Variants in FAT3 observed in about 807,000 individuals in gnomAD.
The protein encoded by FAT3 is protocadherin Fat 3.
FAT3 carries 95 observed loss-of-function variants against 310.2 expected under a neutral mutation model. The observed-to-expected ratio is 0.31, with a 90% CI of 0.26 to 0.36. FAT3 has a LOEUF of 0.36. Ranked by LOEUF, FAT3 falls within the 10% of genes least tolerant of loss-of-function variation. The pLI is 1.00. For synonymous variants in FAT3, 2,314 were observed against 2,192.9 expected (o/e 1.06, Z -1.54); for missense variants, 5,408 against 5,715.6 (o/e 0.95, Z 1.74).
intron 1 of FAT3, among the ~76,000 whole-genome samples, chr11:92,313,213 CTG>C (rs1399124003): frequency 6.6e-6 from 1 of 152,110 alleles, no homozygotes. Context: ...AATGCAGAAA[CTG>C]TAGCCAGCTG....
At chr11:92,548,136 C>T (rs1012213925) in intron 3 of FAT3, among the ~76,000 whole-genome samples, 6 of 152,178 alleles carry the variant, frequency 3.9e-5, no homozygotes, top group African/African-American at 1.4e-4. Flanking sequence ...AGAAGAATTA[C>T]AGGCTTTTTA....
chr11:92,358,026 A>G (rs1306774697), intron 2 of FAT3, among the ~76,000 whole-genome samples: 6 of 151,060 alleles, frequency 4.0e-5, no homozygotes, highest in African/African-American at 1.5e-4. Flanking sequence ...ACAGAAAATT[A>G]TCTGGGTGTG....
intron 2 of FAT3, among the ~76,000 whole-genome samples, chr11:92,416,921 A>T (rs1396081691): frequency 6.6e-6 from 1 of 152,178 alleles, no homozygotes; most frequent in Non-Finnish European, 1.5e-5. Context: ...GCACCAGGAC[A>T]GATGTGGGAA....
chr11:92,593,819 T>C (rs1939566226), intron 3 of FAT3, among the ~76,000 whole-genome samples: 1 of 152,242 alleles, frequency 6.6e-6, no homozygotes, highest in South Asian at 2.1e-4. Flanking sequence ...TTCCATTGCC[T>C]GGCTAGGCCA....
chr11:92,231,901 C>A (rs891425748), intron 1 of FAT3, among the ~76,000 whole-genome samples: 2 of 151,410 alleles, frequency 1.3e-5, no homozygotes, highest in Non-Finnish European at 2.9e-5. Context: ...TCAGCTTGGT[C>A]TTTTTTGAAA....
intron 19 of FAT3, among the ~76,000 whole-genome samples, chr11:92,847,350 C>T (rs73543921): frequency 0.15 from 23,045 of 152,164 alleles, 1,799 homozygotes; most frequent in East Asian, 0.23. Context: ...GCCTAGGAGC[C>T]ATAGGCTGTA....
chr11:92,724,451 G>C (rs1266572604), intron 4 of FAT3, among the ~76,000 whole-genome samples: 2 of 152,168 alleles, frequency 1.3e-5, no homozygotes, highest in East Asian at 1.9e-4. Context: ...TTCACCTATT[G>C]ATAGGAGGAG....
chr11:92,490,572 C>T (rs1252631282), intron 2 of FAT3, among the ~76,000 whole-genome samples: 1 of 151,824 alleles, frequency 6.6e-6, no homozygotes, highest in East Asian at 1.9e-4. Flanking sequence ...TTGTTTTTTG[C>T]TGTTGTTGTT....
chr11:92,376,742 G>A (rs1274229174), intron 2 of FAT3, among the ~76,000 whole-genome samples: 1 of 152,094 alleles, frequency 6.6e-6, no homozygotes, highest in Non-Finnish European at 1.5e-5. Context: ...CTGCTTTGGT[G>A]TTTGTTGTTA....
At position 92,772,044 on chromosome 11, in the gene FAT3, T is replaced by G. The variant is rs1012175196; in HGVS notation, c.4196-1997T>G. ...CTTTAAACTGGAGCAAACTAAAGTT[T>G]TATAATTTGCATAATCTTTATTTTG... On this transcript the variant is annotated intron_variant, in intron 6 of 27. Coordinates refer to ENST00000525166, the MANE Select transcript of FAT3 (RefSeq NM_001367949.2). Among the ~76,000 whole-genome samples, 7 of 152,294 alleles carry G rather than the reference T, an allele frequency of 4.6e-5. No individual in the cohort carries two copies. The East Asian group carries it at 7.7e-4, about 17-fold the overall frequency.
At chr11:92,890,389 G>A (rs1661085382) in intron 27 of FAT3, 102 bp from the exon 28 acceptor site, 3 of 1,371,006 alleles carry the variant, frequency 2.2e-6, no homozygotes, top group Non-Finnish European at 2.9e-6. Context: ...AGGGTTTCTT[G>A]GATGCTAAAA....
intron 3 of FAT3, among the ~76,000 whole-genome samples, chr11:92,580,961 T>G (rs1219835630): frequency 6.6e-6 from 1 of 151,710 alleles, no homozygotes; most frequent in African/African-American, 2.4e-5. Flanking sequence ...TCCCCCAAGT[T>G]TGATTTGGGG....
chr11:92,269,534 G>A (rs1946065265), intron 1 of FAT3, among the ~76,000 whole-genome samples: 1 of 152,126 alleles, frequency 6.6e-6, no homozygotes, highest in Non-Finnish European at 1.5e-5. Flanking sequence ...TGATCTTTAT[G>A]CTATCTGTTG....
At chr11:92,482,281 T>TA (rs1952247535) in intron 2 of FAT3, among the ~76,000 whole-genome samples, 1 of 152,168 alleles carries the variant, frequency 6.6e-6, no homozygotes, top group Non-Finnish European at 1.5e-5. Flanking sequence ...TTCTGTGAAT[T>TA]AAAATTCTTG....
chr11:92,608,481 A>G (rs1046494183), intron 3 of FAT3, among the ~76,000 whole-genome samples: 15 of 152,026 alleles, frequency 9.9e-5, no homozygotes, highest in Admixed American at 8.5e-4. Flanking sequence ...TGGGTGTGAA[A>G]TATGTGAGTT....
Position 92,797,817 on chromosome 11 carries a change from A to C in FAT3, c.4823-19A>C, listed in dbSNP as rs771906078. 44 of 1,594,626 alleles carry C rather than the reference A, an allele frequency of 2.8e-5. 1 individual carries two copies. The Middle Eastern group carries it at 6.7e-4, about 24-fold the overall frequency. On this transcript the variant is annotated intron_variant, in intron 9 of 27. Transcript: ENST00000525166. ...TGACCCACATGTAACTCATTTCACCATTGATTTCTGTATTTTAGGGAACAC... is the reference window on the plus strand; with the variant it reads ...TGACCCACATGTAACTCATTTCACCCTTGATTTCTGTATTTTAGGGAACAC...
chr11:92,392,956 C>T (rs756776796), intron 2 of FAT3, among the ~76,000 whole-genome samples: 58 of 152,046 alleles, frequency 3.8e-4, no homozygotes, highest in Non-Finnish European at 6.5e-4. Flanking sequence ...GCCTCAGTTG[C>T]GGGTTGGAGG....
chr11:92,714,676 G>T (rs186475068), intron 4 of FAT3, among the ~76,000 whole-genome samples: 1 of 152,106 alleles, frequency 6.6e-6, no homozygotes, highest in African/African-American at 2.4e-5. Flanking sequence ...CTAGATTGTG[G>T]AATACCTAGC....
chr11:92,820,789 G>A (rs1050564637), intron 13 of FAT3, among the ~76,000 whole-genome samples: 2 of 152,172 alleles, frequency 1.3e-5, no homozygotes, highest in Admixed American at 6.5e-5. Flanking sequence ...TTGTTATGCT[G>A]TTAAGTTCTG....
Sources: allele counts gnomAD v4.1 joint callset (sites outside exome capture counted in the v4.1 genomes callset), GRCh38; gene constraint gnomAD v4.1.1; transcripts MANE v1.5; gene names NCBI Gene and HGNC (gene_info 2026-07-23, HGNC 2026-07-21).